Variants in HSF1 observed in about 807,000 individuals in gnomAD.
HSF1 encodes heat shock transcription factor 1.
A neutral mutation model predicts 51.7 loss-of-function variants in HSF1; 32 were observed. The observed-to-expected ratio is 0.62, with a 90% CI of 0.47 to 0.83. HSF1 has a LOEUF of 0.83. Among genes scored for constraint, HSF1 ranks in the 40% least tolerant of loss-of-function variants. The probability of loss-of-function intolerance (pLI) is 0.00; values close to 1 mark genes in which losing one functional copy is unlikely to be tolerated. For synonymous variants in HSF1, 396 were observed against 309.7 expected, an observed-to-expected ratio of 1.28 and a Z score of -2.92; for missense variants, 727 against 717.0, an observed-to-expected ratio of 1.01 and a Z score of -0.16.
At chr8:144,296,630 C>A (rs922362526) in intron 1 of HSF1, among the ~76,000 whole-genome samples, 1 of 152,022 alleles carries the variant, frequency 6.6e-6, no homozygotes, top group Non-Finnish European at 1.5e-5. Context: ...CATGGTGAAA[C>A]CCCGTCTATA....
At chr8:144,313,490 T>A (rs1554845461) in intron 9 of HSF1, 21 bp from the exon 10 acceptor site, 2 of 1,535,934 alleles carry the variant, frequency 1.3e-6, no homozygotes. Context: ...CTGGTTCAGG[T>A]ACCGCCTTAT....
chr8:144,294,094 C>T (rs1179359931), intron 1 of HSF1, among the ~76,000 whole-genome samples: 1 of 152,014 alleles, frequency 6.6e-6, no homozygotes, highest in East Asian at 1.9e-4. Context: ...TTTGGTTCCA[C>T]CTGGTCAGTA....
chr8:144,310,034 C>A, intron 4 of HSF1, 138 bp downstream of exon 4: 1 of 1,074,692 alleles, frequency 9.3e-7, no homozygotes. Flanking sequence ...CTACCCTGGG[C>A]CTCTGCCCCA....
intron 1 of HSF1, among the ~76,000 whole-genome samples, chr8:144,299,629 G>T (rs782208879): frequency 6.6e-6 from 1 of 152,036 alleles, no homozygotes. Flanking sequence ...GTGACTGAGG[G>T]CTGGGCGTGG....
intron 1 of HSF1, among the ~76,000 whole-genome samples, chr8:144,294,010 C>T (rs1405706284): frequency 6.6e-6 from 1 of 151,960 alleles, no homozygotes. Context: ...CCAGCCTCCA[C>T]TCCACTCACA....
intron 1 of HSF1, among the ~76,000 whole-genome samples, chr8:144,305,723 ATTTTT>A (rs146075122): frequency 5.1e-5 from 4 of 78,492 alleles, no homozygotes; most frequent in East Asian, 8.5e-4. Context: ...CCTCTGGTTA[ATTTTT>A]TTTTTTTTTT....
At chr8:144,299,114 C>T (rs1048891082) in intron 1 of HSF1, among the ~76,000 whole-genome samples, 3 of 152,214 alleles carry the variant, frequency 2.0e-5, no homozygotes, top group African/African-American at 7.2e-5. Context: ...CTGGAAACAC[C>T]ACTGCCTGCT....
intron 9 of HSF1, chr8:144,312,744 G>A (rs1424275153): frequency 3.3e-6 from 5 of 1,517,710 alleles, no homozygotes; most frequent in Non-Finnish European, 4.4e-6. Flanking sequence ...AGGGAGGAGG[G>A]CTCTGCCAGC....
intron 1 of HSF1, chr8:144,293,447 T>G (rs1446139158): frequency 1.4e-5 from 2 of 146,198 alleles, no homozygotes; most frequent in African/African-American, 5.0e-5. Context: ...TCTTTTTTCT[T>G]TTTTTTTTTT....
chr8:144,301,851 C>G (rs1368584298), intron 1 of HSF1, among the ~76,000 whole-genome samples: 25 of 151,036 alleles, frequency 1.7e-4, no homozygotes, highest in Non-Finnish European at 3.4e-4. Flanking sequence ...GGCGACAAAG[C>G]GAGACTCCGT....
intron 1 of HSF1, among the ~76,000 whole-genome samples, chr8:144,301,069 T>C (rs1414919147): frequency 2.0e-5 from 3 of 152,140 alleles, no homozygotes; most frequent in African/African-American, 7.2e-5. Flanking sequence ...GGACATAATA[T>C]CATGTGGTCT....
intron 1 of HSF1, among the ~76,000 whole-genome samples, chr8:144,301,443 C>G (rs959521487): frequency 1.3e-5 from 2 of 151,746 alleles, no homozygotes; most frequent in Non-Finnish European, 2.9e-5. Flanking sequence ...AAATTTTTCC[C>G]AAATTTTTGA....
intron 2 of HSF1, 45 bp downstream of exon 2, chr8:144,309,059 TGCAGATGGCGG>T: frequency 7.0e-7 from 1 of 1,423,270 alleles, no homozygotes; most frequent in Non-Finnish European, 9.9e-7. Flanking sequence ...GAGGCAGACC[TGCAGATGGCGG>T]GACCCCAGCA....
chr8:144,311,475 G>C (rs370903885), intron 6 of HSF1, 30 bp from the exon 7 acceptor site: 1 of 1,612,666 alleles, frequency 6.2e-7, no homozygotes, highest in African/African-American at 1.3e-5. Context: ...GAGGTGGGGG[G>C]TGGTGGCTGA....
rs1029833455 is a variant in HSF1 at position 144,297,131 on chromosome 8, C to T, written c.117+5257C>T. ...TGGAGGAGTCAGCCTGTGTGCAGGG[C>T]GAGCTGGAGAGGGGTCGGTGGGGCT... On this transcript the variant is annotated intron_variant, in intron 1 of 12. Transcript: ENST00000528838. This position sits in a 1 kb window ranked among gnomAD's most constrained non-coding sequence, Gnocchi z 4.6. Among the ~76,000 whole-genome samples the T allele has an allele frequency of 2.8e-4, 42 of 152,254 alleles. No individual in the cohort carries two copies. The highest frequency in any genetic ancestry group is 9.4e-4 in the African/African-American group (39 of 41,532).
intron 1 of HSF1, among the ~76,000 whole-genome samples, chr8:144,305,395 G>A (rs1206430025): frequency 2.6e-5 from 4 of 151,934 alleles, no homozygotes; most frequent in Non-Finnish European, 4.4e-5. Flanking sequence ...TGCCTCCAGA[G>A]TTCAAGCGAT....
In HSF1 at chr8:144,306,089, C is replaced by T. The variant is rs150434395; in HGVS notation, c.118-2817C>T. The stretch of plus-strand genomic sequence containing the variant: ...CTCTTCAGCTCCATAATTTTGATTT[C>T]GGGCTTCTTTACAATTTTTATCTCT... On this transcript the variant is annotated intron_variant, in intron 1 of 12. Coordinates refer to ENST00000528838, the MANE Select transcript of HSF1 (RefSeq NM_005526.4). Among the ~76,000 whole-genome samples, 348 of 152,216 alleles carry T rather than the reference C, an allele frequency of 2.3e-3. 2 individuals carry two copies. Among genetic ancestry groups the T allele is most frequent in the African/African-American group, 7.8e-3 (323 of 41,540 alleles).
At chr8:144,296,666 A>G (rs538466077) in intron 1 of HSF1, among the ~76,000 whole-genome samples, 36 of 151,994 alleles carry the variant, frequency 2.4e-4, no homozygotes, top group African/African-American at 8.7e-4. Flanking sequence ...AACTAGCTGG[A>G]CGTGGTGGTG....
At chr8:144,298,246 A>T (rs1588629443) in intron 1 of HSF1, among the ~76,000 whole-genome samples, 1 of 152,112 alleles carries the variant, frequency 6.6e-6, no homozygotes, top group Non-Finnish European at 1.5e-5. Flanking sequence ...GTTGCCTGAC[A>T]TGTTCAACTT....
Sources: allele counts gnomAD v4.1 joint callset (sites outside exome capture counted in the v4.1 genomes callset), GRCh38; gene constraint gnomAD v4.1.1; non-coding constraint Gnocchi (gnomAD v3.1); transcripts MANE v1.5; gene names NCBI Gene and HGNC (gene_info 2026-07-23, HGNC 2026-07-21).